The following BRINP3 variants were observed in gnomAD, a reference collection of about 807,000 sequenced individuals.
BRINP3 encodes the protein BMP/retinoic acid inducible neural specific 3, also known as BMP/retinoic acid-inducible neural-specific protein 3.
Under a neutral mutation model 71.0 loss-of-function variants are expected in BRINP3, and 19 were observed. The observed-to-expected ratio is 0.27, with a 90% confidence interval of 0.19 to 0.39. The LOEUF (loss-of-function observed/expected upper bound fraction) is 0.39, where lower values mean the gene tolerates loss of function less well. Among genes scored for constraint, BRINP3 ranks in the 10% least tolerant of loss-of-function variants. The probability of loss-of-function intolerance (pLI) is 1.00; values close to 1 mark genes in which losing one functional copy is unlikely to be tolerated. For synonymous variants in BRINP3, 380 were observed against 337.7 expected, an observed-to-expected ratio of 1.13 and a Z score of -1.37; for missense variants, 959 against 940.8, an observed-to-expected ratio of 1.02 and a Z score of -0.25.
At chr1:190,433,257 A>G (rs188584898) in intron 2 of BRINP3, among the ~76,000 whole-genome samples, 1 of 152,304 alleles carries the variant, frequency 6.6e-6, no homozygotes, top group Admixed American at 6.5e-5. Flanking sequence ...GGAACCTTTT[A>G]AGAAGTATAC....
intron 2 of BRINP3, among the ~76,000 whole-genome samples, chr1:190,294,186 A>T (rs1664076892): frequency 6.6e-6 from 1 of 151,314 alleles, no homozygotes; most frequent in African/African-American, 2.4e-5. Context: ...TAGGGTATTT[A>T]TTATAGTTTT....
At chr1:190,183,082 A>T (rs1653171974) in intron 6 of BRINP3, among the ~76,000 whole-genome samples, 1 of 152,082 alleles carries the variant, frequency 6.6e-6, no homozygotes, top group African/African-American at 2.4e-5. Flanking sequence ...GTGACTTAGC[A>T]ATCAGTCTAA....
intron 2 of BRINP3, among the ~76,000 whole-genome samples, chr1:190,368,347 C>T (rs746063735): frequency 1.3e-5 from 2 of 152,082 alleles, no homozygotes; most frequent in East Asian, 3.9e-4. Flanking sequence ...GGGTCACCAC[C>T]CACATGATTA....
intron 2 of BRINP3, among the ~76,000 whole-genome samples, chr1:190,304,398 T>A (rs1485060949): frequency 6.6e-6 from 1 of 151,734 alleles, no homozygotes; most frequent in Non-Finnish European, 1.5e-5. Context: ...CGAAGATATA[T>A]TAACCCAAAC....
rs144119544 is a variant in BRINP3 at position 190,105,908 on chromosome 1, T to C, written c.1185-6774A>G. On this transcript the variant is annotated intron_variant, in intron 7 of 7. Coordinates refer to ENST00000367462, the MANE Select transcript of BRINP3 (RefSeq NM_199051.3). ...TCACACAAAGATAAACACAATTACT[T>C]TTCTGGAAGTAAAAAAATTACCAAA... Among the ~76,000 whole-genome samples, 592 of 152,068 alleles carry C rather than the reference T, an allele frequency of 3.9e-3. 6 individuals are homozygous for C. The highest frequency in any genetic ancestry group is 0.013 in the African/African-American group (538 of 41,526).
rs866423435 is a variant in BRINP3 at position 190,129,119 on chromosome 1, G to T, written c.1185-29985C>A. 3.3e-5 allele frequency among the ~76,000 whole-genome samples: 5 copies of T among 151,608 alleles called. No individual in the cohort carries two copies. In the South Asian group the frequency reaches 1.0e-3, roughly 31 times the overall value. Reference sequence around the variant, plus strand: ...TCCAAAGCATAAATAAATCATATTTGATATCATCTGATAATCCCATTTACA... The same window carrying T: ...TCCAAAGCATAAATAAATCATATTTTATATCATCTGATAATCCCATTTACA... On this transcript the variant is annotated intron_variant, in intron 7 of 7. Transcript: ENST00000367462.
chr1:190,196,264 C>A (rs1317959380), intron 6 of BRINP3, among the ~76,000 whole-genome samples: 1 of 152,112 alleles, frequency 6.6e-6, no homozygotes, highest in Non-Finnish European at 1.5e-5. Context: ...CTGCCTTCTG[C>A]ATTTGGAGTA....
intron 2 of BRINP3, among the ~76,000 whole-genome samples, chr1:190,356,567 C>A (rs1366170341): frequency 6.6e-6 from 1 of 151,926 alleles, no homozygotes; most frequent in Non-Finnish European, 1.5e-5. Context: ...CACTAACTTT[C>A]CCTCTCTTAT....
intron 6 of BRINP3, among the ~76,000 whole-genome samples, chr1:190,181,371 C>A (rs1653017201): frequency 6.6e-6 from 1 of 151,946 alleles, no homozygotes; most frequent in Admixed American, 6.6e-5. Flanking sequence ...ATAAAATAAA[C>A]CATTTCCATT....
intron 7 of BRINP3, among the ~76,000 whole-genome samples, chr1:190,131,563 G>A (rs535316212): frequency 4.0e-5 from 6 of 151,842 alleles, no homozygotes; most frequent in East Asian, 1.9e-4. Flanking sequence ...ATTTATGCCC[G>A]TCTTCTGTGA....
chr1:190,452,581 G>A (rs992338340), intron 2 of BRINP3, among the ~76,000 whole-genome samples: 2 of 152,170 alleles, frequency 1.3e-5, no homozygotes, highest in African/African-American at 2.4e-5. Context: ...CAAGCTGGCC[G>A]CGCACGGTGG....
intron 2 of BRINP3, among the ~76,000 whole-genome samples, chr1:190,364,501 G>C (rs1669359695): frequency 1.3e-5 from 2 of 151,942 alleles, no homozygotes; most frequent in Non-Finnish European, 2.9e-5. Context: ...GCAATCAAAA[G>C]CTAAGGAGCA....
chr1:190,359,365 TTAA>T (rs1248400734), intron 2 of BRINP3, among the ~76,000 whole-genome samples: 1 of 151,978 alleles, frequency 6.6e-6, no homozygotes, highest in African/African-American at 2.4e-5. Context: ...ATGGTGTGAT[TTAA>T]GGTACAGACA....
intron 2 of BRINP3, among the ~76,000 whole-genome samples, chr1:190,404,923 G>A (rs1011430995): frequency 6.6e-6 from 1 of 151,874 alleles, no homozygotes; most frequent in Admixed American, 6.6e-5. Flanking sequence ...AAAAGTGAAC[G>A]GTTATCATAA....
intron 3 of BRINP3, among the ~76,000 whole-genome samples, chr1:190,272,149 T>C (rs984400570): frequency 2.6e-5 from 4 of 151,590 alleles, no homozygotes; most frequent in Non-Finnish European, 4.4e-5. Context: ...CAGATTAATA[T>C]GACTTCTTAC....
chr1:190,447,130 T>C (rs1284410625), intron 2 of BRINP3, among the ~76,000 whole-genome samples: 2 of 151,800 alleles, frequency 1.3e-5, no homozygotes, highest in East Asian at 3.9e-4. Flanking sequence ...TTTGTGAATA[T>C]GTAAAATGGA....
chr1:190,125,824 T>A (rs1198763107), intron 7 of BRINP3, among the ~76,000 whole-genome samples: 1 of 151,980 alleles, frequency 6.6e-6, no homozygotes, highest in Non-Finnish European at 1.5e-5. Flanking sequence ...ATATGATATA[T>A]TCAACTTCTA....
At chr1:190,221,397 T>C (rs1656880633) in intron 6 of BRINP3, among the ~76,000 whole-genome samples, 1 of 152,182 alleles carries the variant, frequency 6.6e-6, no homozygotes, top group African/African-American at 2.4e-5. Flanking sequence ...AAGATGATTT[T>C]TGTAAGCCTC....
At chr1:190,416,404 G>T (rs912587820) in intron 2 of BRINP3, among the ~76,000 whole-genome samples, 1 of 151,990 alleles carries the variant, frequency 6.6e-6, no homozygotes, top group Non-Finnish European at 1.5e-5. Flanking sequence ...CCCCATGAGA[G>T]AAAAAATGTG....
Sources: gnomAD v4.1 joint callset for allele counts (sites outside exome capture counted in the v4.1 genomes callset) on GRCh38, gnomAD v4.1.1 for gene constraint, MANE v1.5 for transcripts, NCBI Gene and HGNC (gene_info 2026-07-23, HGNC 2026-07-21) for gene names.